DNAH11: variants seen among roughly 807,000 people sequenced by gnomAD.
DNAH11 encodes dynein axonemal heavy chain 11.
DNAH11 carries 442 observed loss-of-function variants against 526.0 expected under a neutral mutation model. That is an observed-to-expected ratio of 0.84 (90% confidence interval 0.78 to 0.91). The LOEUF is 0.91. DNAH11 is among the 40% of genes least tolerant of loss of function. The pLI is 0.00. For synonymous variants in DNAH11, 2,461 were observed against 1,935.9 expected (o/e 1.27, Z -7.12); for missense variants, 6,989 against 5,448.7 (o/e 1.28, Z -8.90).
In DNAH11 at chr7:21,845,925, A is replaced by C. The variant is rs891489009; in HGVS notation, c.10896+3177A>C. On this transcript the variant is annotated intron_variant, in intron 66 of 81. Coordinates refer to ENST00000409508, the MANE Select transcript of DNAH11 (RefSeq NM_001277115.2). ...TTGATTTCTTTCATCAGAGATTTTTAGTCCTCCAGACAGATCTTCAACATA... is the reference window on the plus strand; with the variant it reads ...TTGATTTCTTTCATCAGAGATTTTTCGTCCTCCAGACAGATCTTCAACATA... 2.6e-5 allele frequency among the ~76,000 whole-genome samples: 4 copies of C among 152,288 alleles called. No individual in the cohort carries two copies. In the East Asian group the frequency reaches 7.7e-4, roughly 29 times the overall value.
rs561435783 is a variant in DNAH11 at position 21,743,761 on chromosome 7, G to A, written c.8155-677G>A. Among the ~76,000 whole-genome samples the A allele has an allele frequency of 3.3e-5, 5 of 152,304 alleles. No individual in the cohort carries two copies. The South Asian group carries it at 6.2e-4, about 19-fold the overall frequency. On this transcript the variant is annotated intron_variant, in intron 49 of 81. Coordinates refer to ENST00000409508, the MANE Select transcript of DNAH11 (RefSeq NM_001277115.2). ...AGAGAGGTCATAGGTGAAATGGGACGAGAGGACTGCCTGCTCACCCTTCAT... is the reference window on the plus strand; with the variant it reads ...AGAGAGGTCATAGGTGAAATGGGACAAGAGGACTGCCTGCTCACCCTTCAT...
At chr7:21,854,203 T>C (rs1263074886) in intron 67 of DNAH11, 112 bp from the exon 68 acceptor site, 1 of 1,088,992 alleles carries the variant, frequency 9.2e-7, no homozygotes, top group Non-Finnish European at 1.3e-6. Flanking sequence ...ATGCATGTTA[T>C]CTATTTTAAT....
chr7:21,901,061 T>G lies in DNAH11; in HGVS notation c.13358T>G (p.Leu4453Arg). The G allele has an allele frequency of 6.2e-7, 1 of 1,613,552 alleles. No individual in the cohort carries two copies. Among genetic ancestry groups the G allele is most frequent in the South Asian group, 1.1e-5 (1 of 90,986 alleles). ...ATTGTTGAAGCCCGTCTCAAGGAGCTGGCATGCCCTATGCCGGTCATCTTT... is the reference window on the plus strand; with the variant it reads ...ATTGTTGAAGCCCGTCTCAAGGAGCGGGCATGCCCTATGCCGGTCATCTTT... ...GTIVEARLKELACPMPVIFAK... is the reference protein window; with the variant it reads ...GTIVEARLKERACPMPVIFAK... The change falls in exon 82 of 82, where the codon CTG becomes CGG. Residue 4453 changes from leucine (L) to arginine (R), a missense_variant. By Grantham distance (102) the Leu-to-Arg change is moderately radical. Coordinates refer to ENST00000409508, the MANE Select transcript of DNAH11 (RefSeq NM_001277115.2).
intron 65 of DNAH11, among the ~76,000 whole-genome samples, chr7:21,822,491 G>T (rs1444382009): frequency 6.6e-6 from 1 of 152,138 alleles, no homozygotes; most frequent in East Asian, 1.9e-4. Context: ...CATGAGATTT[G>T]GAGAGGACAA....
intron 28 of DNAH11, among the ~76,000 whole-genome samples, chr7:21,645,077 A>G (rs1787292376): frequency 6.6e-6 from 1 of 152,234 alleles, no homozygotes; most frequent in African/African-American, 2.4e-5. Flanking sequence ...GTACAACAAC[A>G]TTAAGGTTAT....
chr7:21,616,234 C>A lies in DNAH11; in HGVS notation c.4037C>A (p.Thr1346Asn). ...VRRSIDNWTK[T>N]QWRQIHVEQM... The stretch of plus-strand genomic sequence containing the variant: ...AGAAGCATTGATAATTGGACTAAAA[C>A]CCAGTGGAGACAGATTCATGTGGAA... Residue 1346 changes from threonine to asparagine, a missense_variant, in exon 22 of 82, where the codon ACC becomes AAC. Transcript: ENST00000409508. 1 of 1,613,550 alleles carries A rather than the reference C, an allele frequency of 6.2e-7. No individual in the cohort carries two copies. Among genetic ancestry groups the A allele is most frequent in the Non-Finnish European group, 8.5e-7 (1 of 1,179,664 alleles).
chr7:21,874,223 C>A (rs112755040), intron 74 of DNAH11, among the ~76,000 whole-genome samples: 1 of 151,816 alleles, frequency 6.6e-6, no homozygotes, highest in Non-Finnish European at 1.5e-5. Flanking sequence ...TGTTTTAGCC[C>A]GGTTTGATAT....
intron 14 of DNAH11, among the ~76,000 whole-genome samples, chr7:21,593,992 C>T (rs546187654): frequency 3.3e-5 from 5 of 151,210 alleles, no homozygotes; most frequent in Admixed American, 6.6e-5. Context: ...CACACAGTCT[C>T]TTCCTCTCAC....
chr7:21,873,361 T>C lies in DNAH11; in HGVS notation c.12055T>C (p.Phe4019Leu). ...SQGSHRDYRVFMSAESAPTPD... is the reference protein window; with the variant it reads ...SQGSHRDYRVLMSAESAPTPD... ...AGGAAGCCACAGAGATTACAGGGTT[T>C]TCATGAGTGCTGAGTCTGCACCTAC... The change falls in exon 74 of 82, where the codon TTC (phenylalanine) becomes CTC (leucine). Residue 4019 changes from phenylalanine (F) to leucine (L), a missense_variant. Coordinates refer to ENST00000409508, the MANE Select transcript of DNAH11 (RefSeq NM_001277115.2). 6.2e-7 allele frequency: 1 copy of C among 1,613,822 alleles called. No homozygotes were observed. Among genetic ancestry groups the C allele is most frequent in the Non-Finnish European group, 8.5e-7 (1 of 1,179,822 alleles).
chr7:21,694,775 A>G (rs529046508), intron 35 of DNAH11, among the ~76,000 whole-genome samples: 81 of 152,282 alleles, frequency 5.3e-4, no homozygotes, highest in African/African-American at 1.9e-3. Flanking sequence ...GAATTGCCAC[A>G]CTGTCTTCCA....
intron 63 of DNAH11, among the ~76,000 whole-genome samples, chr7:21,815,239 A>G (rs1789729011): frequency 6.6e-6 from 1 of 152,188 alleles, no homozygotes; most frequent in African/African-American, 2.4e-5. Context: ...AGCTGTTTGT[A>G]TTAAGTAGAA....
rs2965365 is a variant in DNAH11 at position 21,738,582 on chromosome 7, C to T, written c.7646-119C>T. ...CCGGGTCTCTTAACCTATGAAGGGG[C>T]GATACCTGAAACCACAGGGTGGATG... On this transcript the variant is annotated intron_variant, in intron 46 of 81. Coordinates refer to ENST00000409508, the MANE Select transcript of DNAH11 (RefSeq NM_001277115.2). 0.66 allele frequency: 671,371 copies of T among 1,018,218 alleles called. 227,086 individuals are homozygous for T. Among genetic ancestry groups the T allele is most frequent in the Non-Finnish European group, 0.7 (493,158 of 708,300 alleles). 63.1% of individuals were successfully genotyped at this position (1,018,218 alleles called of 1,614,324 possible). A position where few individuals can be genotyped will look rare whatever the true frequency, so the allele number is the denominator to read the frequency against.
chr7:21,819,613 A>G (rs1342822803), intron 65 of DNAH11, among the ~76,000 whole-genome samples: 3 of 152,192 alleles, frequency 2.0e-5, no homozygotes, highest in African/African-American at 7.2e-5. Context: ...AGTGAAATGC[A>G]TGTTCTCTGA....
rs878854443 is a variant in DNAH11, at chr7:21,636,048, C to A, written c.4678C>A (p.Leu1560Ile). 1 of 1,613,346 alleles carries A rather than the reference C, an allele frequency of 6.2e-7. No homozygotes were observed. The highest frequency in any genetic ancestry group is 8.5e-7 in the Non-Finnish European group (1 of 1,179,664). ...CTGTTCAGAAGATATTCGAATCCAG[C>A]TTGTGAAAGATGCTAGAAGATTTGA... is the stretch of plus-strand genomic sequence containing the variant. ...FVCSEDIRIQLVKDARRFDGV... is the reference protein window; with the variant it reads ...FVCSEDIRIQIVKDARRFDGV... Residue 1560 changes from leucine to isoleucine, a missense_variant, in exon 26 of 82, where the codon CTT becomes ATT. Physicochemically the swap from Leu to Ile is conservative, Grantham distance 5. Transcript: ENST00000409508.
At chr7:21,690,288 G>A (rs1706843628) in intron 34 of DNAH11, among the ~76,000 whole-genome samples, 1 of 152,162 alleles carries the variant, frequency 6.6e-6, no homozygotes. Flanking sequence ...ATATTTAATA[G>A]ATTTTTCTTG....
intron 62 of DNAH11, among the ~76,000 whole-genome samples, chr7:21,802,973 AAC>A (rs1397414196): frequency 3.3e-5 from 5 of 150,656 alleles, no homozygotes; most frequent in South Asian, 2.1e-4. Flanking sequence ...TGTAGTAAAA[AAC>A]ACTGCTGTAT....
At chr7:21,842,202 G>A (rs997032989) in intron 65 of DNAH11, among the ~76,000 whole-genome samples, 1 of 152,126 alleles carries the variant, frequency 6.6e-6, no homozygotes, top group Non-Finnish European at 1.5e-5. Flanking sequence ...GTCACAGTTT[G>A]CAAGTTTATC....
chr7:21,698,327 G>T, intron 36 of DNAH11, 114 bp downstream of exon 36: 2 of 1,434,648 alleles, frequency 1.4e-6, no homozygotes, highest in Admixed American at 2.6e-5. Flanking sequence ...AAATTTTTTT[G>T]TACTTAAAAA....
intron 32 of DNAH11, among the ~76,000 whole-genome samples, chr7:21,685,937 G>A (rs907085531): frequency 5.3e-5 from 8 of 152,180 alleles, no homozygotes; most frequent in Admixed American, 5.2e-4. Context: ...CTGAAAGGAA[G>A]GCAGGAAATG....
Sources: allele counts gnomAD v4.1 joint callset (sites outside exome capture counted in the v4.1 genomes callset), GRCh38; gene constraint gnomAD v4.1.1; transcripts MANE v1.5; gene names NCBI Gene and HGNC (gene_info 2026-07-23, HGNC 2026-07-21).